The following DGKQ variants were observed in gnomAD, a reference collection of about 807,000 sequenced individuals.
The protein encoded by DGKQ is DAG kinase theta.
Under a neutral mutation model 104.2 loss-of-function variants are expected in DGKQ, and 97 were observed. The observed-to-expected ratio is 0.93, with a 90% CI of 0.79 to 1.10. DGKQ has a LOEUF of 1.10. Among genes scored for constraint, DGKQ ranks in the 50% least tolerant of loss-of-function variants. DGKQ has a pLI of 0.00. For synonymous variants in DGKQ, 736 were observed against 595.2 expected (o/e 1.24, Z -3.44); for missense variants, 1,465 against 1,352.1 (o/e 1.08, Z -1.31).
rs564753134 is a variant in DGKQ, at chr4:972,842, G to A, written c.271+370C>T. On this transcript the variant is annotated intron_variant, in intron 1 of 22. Transcript: ENST00000273814. ...AGGCTGGGACTCTGGGCCACAGCAT[G>A]AGAAGGGCTAGGGCCAGGGGCCCAG... 7.2e-4 allele frequency among the ~76,000 whole-genome samples: 109 copies of A among 152,336 alleles called. 1 individual carries two copies. In the East Asian group the frequency reaches 8.5e-3, roughly 12 times the overall value.
chr4:967,459 G>T, intron 8 of DGKQ, 90 bp downstream of exon 8: 2 of 1,450,766 alleles, frequency 1.4e-6, no homozygotes, highest in Non-Finnish European at 1.9e-6. Context: ...GGTGAGGGGC[G>T]CCAGGTTGGG....
At chr4:962,316 AG>A in intron 18 of DGKQ, 118 bp downstream of exon 18, 1 of 1,082,782 alleles carries the variant, frequency 9.2e-7, no homozygotes, top group Non-Finnish European at 1.3e-6. Flanking sequence ...CGCTTTGCAG[AG>A]GGGATGATGC....
chr4:966,370 G>T (rs1712337161), intron 12 of DGKQ, 96 bp downstream of exon 12: 2 of 1,372,108 alleles, frequency 1.5e-6, no homozygotes, highest in Non-Finnish European at 1.0e-6. Context: ...GCCTAGCCAA[G>T]GAGAACTCGG....
At chr4:964,448 G>C (rs1385605818) in intron 15 of DGKQ, among the ~76,000 whole-genome samples, 1 of 152,144 alleles carries the variant, frequency 6.6e-6, no homozygotes, top group East Asian at 1.9e-4. Flanking sequence ...ACGGTGTGCA[G>C]CGTGGAGTCC....
chr4:962,246 C>T (rs987424103), intron 18 of DGKQ, among the ~76,000 whole-genome samples, 164 bp from the exon 19 acceptor site: 6 of 152,332 alleles, frequency 3.9e-5, no homozygotes, highest in Non-Finnish European at 8.8e-5. Flanking sequence ...CAGGCTCTGT[C>T]GCCAGCTGGC....
intron 2 of DGKQ, among the ~76,000 whole-genome samples, chr4:969,460 GAGA>G (rs1402177126): frequency 6.6e-6 from 1 of 152,232 alleles, no homozygotes; most frequent in Non-Finnish European, 1.5e-5. Flanking sequence ...AGAAGGGAAG[GAGA>G]AGGACCAAGT....
chr4:966,860 C>G, intron 10 of DGKQ, 58 bp from the exon 11 acceptor site: 1 of 1,573,186 alleles, frequency 6.4e-7, no homozygotes, highest in Non-Finnish European at 8.6e-7. Context: ...TCAGGACACC[C>G]GCGGGGACAG....
At position 966,525 on chromosome 4, in the gene DGKQ, G is replaced by A. The variant is rs746520621; in HGVS notation, c.1369C>T (p.Gln457Ter). Residue 457 changes from glutamine (Q) to a stop codon, truncating the protein, a stop_gained and splice_region_variant, in exon 12 of 23, where the codon CAG (glutamine) becomes TAG (stop). Coordinates refer to ENST00000273814, the MANE Select transcript of DGKQ (RefSeq NM_001347.4). LOFTEE classifies it high-confidence loss of function. ...TGTTCGTCCATCAGCATCGTCCGCT[G>A]GACTGCAGAGGTGAGGGCACAGGCC... ...VEVAMGCRHV[Q>*]RTMLMDEQPL... 2 of 1,611,970 alleles carry A rather than the reference G, an allele frequency of 1.2e-6. No homozygotes were observed. The highest frequency in any genetic ancestry group is 1.7e-6 in the Non-Finnish European group (2 of 1,179,398).
chr4:967,870 C>G lies in DGKQ; in HGVS notation c.811+10G>C. On this transcript the variant is annotated intron_variant, in intron 6 of 22. Coordinates refer to ENST00000273814, the MANE Select transcript of DGKQ (RefSeq NM_001347.4). ...CCAGCCCAGGGCGCCCCGGCCGGCC[C>G]GCACCTCACCCGGCTCCGCGGCCTC... The G allele has an allele frequency of 6.8e-7, 1 of 1,463,968 alleles. No homozygotes were observed. The highest frequency in any genetic ancestry group is 9.0e-7 in the Non-Finnish European group (1 of 1,113,596). 90.7% of individuals were successfully genotyped at this position (1,463,968 alleles called of 1,614,324 possible).
rs548869218 is a variant in DGKQ at position 966,444 on chromosome 4, G to A, written c.1428+22C>T. On this transcript the variant is annotated intron_variant, in intron 12 of 22. Coordinates refer to ENST00000273814, the MANE Select transcript of DGKQ (RefSeq NM_001347.4). ...GCTGAGGGCTGCTGGTTCCCTGGGG[G>A]CCGGCGTCCACACCCACTCACCTGC... is the stretch of plus-strand genomic sequence containing the variant. 10 of 1,610,436 alleles carry A rather than the reference G, an allele frequency of 6.2e-6. No individual in the cohort carries two copies. In the South Asian group the frequency reaches 9.9e-5, roughly 16 times the overall value.
intron 15 of DGKQ, 54 bp from the exon 16 acceptor site, chr4:963,344 T>C (rs550435362): frequency 2.0e-6 from 3 of 1,515,498 alleles, no homozygotes; most frequent in Admixed American, 3.7e-5. Context: ...GTGTCCCCAC[T>C]GCTGGGGTTG....
rs1174558617 is a variant in DGKQ at position 959,493 on chromosome 4, CTT to C, written c.*1125_*1126del. ...CTTGGGCACGTGGAGGCAGCTTTGT[CTT>C]TGGCTGGGTGCACCCCAGCCTGGCC... On this transcript the variant is annotated 3_prime_UTR_variant, in exon 23 of 23. Transcript: ENST00000273814. 1 of 152,256 alleles carries C rather than the reference CTT, an allele frequency of 6.6e-6. No individual in the cohort carries two copies. The highest frequency in any genetic ancestry group is 6.5e-5 in the Admixed American group (1 of 15,278). 9.4% of individuals were successfully genotyped at this position (152,256 alleles called of 1,614,324 possible).
chr4:965,976 ACAGGCCGGGAGG>A lies in DGKQ; in HGVS notation c.1519_1530del (p.Pro507_Leu510del), dbSNP rs1712290497. The stretch of plus-strand genomic sequence containing the variant: ...AGCAGGCTGCTGTACTCCTCGGGAG[ACAGGCCGGGAGG>A]CAGGCCGCCAACAAACAGGGAGACG... On this transcript the variant is annotated inframe_deletion, in exon 13 of 23. Coordinates refer to ENST00000273814, the MANE Select transcript of DGKQ (RefSeq NM_001347.4). 6.2e-7 allele frequency: 1 copy of A among 1,605,600 alleles called. No homozygotes were observed. The highest frequency in any genetic ancestry group is 8.5e-7 in the Non-Finnish European group (1 of 1,176,906).
chr4:966,805 G>C lies in DGKQ; in HGVS notation c.1312-3C>G, dbSNP rs1054359452. On this transcript the variant is annotated splice_polypyrimidine_tract_variant and splice_region_variant and intron_variant, in intron 10 of 22. Transcript: ENST00000273814. ...TGGAAGCTCTCGGGACTCTCGGCCTGTTGGGGTAGAGCTTGGCATCGGGTC... is the reference window on the plus strand; with the variant it reads ...TGGAAGCTCTCGGGACTCTCGGCCTCTTGGGGTAGAGCTTGGCATCGGGTC... 6.2e-7 allele frequency: 1 copy of C among 1,608,858 alleles called. No individual in the cohort carries two copies. Among genetic ancestry groups the C allele is most frequent in the Non-Finnish European group, 8.5e-7 (1 of 1,178,296 alleles).
chr4:967,891 GC>G lies in DGKQ; in HGVS notation c.799del (p.Ala267ProfsTer34), dbSNP rs1431959298. On this transcript the variant is annotated frameshift_variant, in exon 6 of 23. Coordinates refer to ENST00000273814, the MANE Select transcript of DGKQ (RefSeq NM_001347.4). LOFTEE classifies it high-confidence loss of function. The part of the protein sequence containing the change: ...SKTQSFRIVE[A>X]AEPGEGGDGA... Reference sequence around the variant, plus strand: ...GGCCCGCACCTCACCCGGCTCCGCGGCCTCCACGATGCGGAAGCTCTGCGTC... The same window carrying G: ...GGCCCGCACCTCACCCGGCTCCGCGGCTCCACGATGCGGAAGCTCTGCGTC... 1 of 1,449,942 alleles carries G rather than the reference GC, an allele frequency of 6.9e-7. No homozygotes were observed. Among genetic ancestry groups the G allele is most frequent in the Non-Finnish European group, 9.0e-7 (1 of 1,109,146 alleles). 89.8% of individuals were successfully genotyped at this position (1,449,942 alleles called of 1,614,324 possible).
At chr4:973,172 C>G in intron 1 of DGKQ, 40 bp downstream of exon 1, 1 of 1,494,782 alleles carries the variant, frequency 6.7e-7, no homozygotes, top group Non-Finnish European at 8.9e-7. Context: ...GGGGCAGAGG[C>G]AGGGCTGCAG....
intron 2 of DGKQ, among the ~76,000 whole-genome samples, chr4:969,934 C>G (rs1400647422): frequency 1.3e-5 from 2 of 152,230 alleles, no homozygotes; most frequent in Non-Finnish European, 2.9e-5. Context: ...TCTAAATTTC[C>G]TATCATGCAT....
At position 967,803 on chromosome 4, in the gene DGKQ, C is replaced by T; in HGVS notation, c.812-1G>A. On this transcript the variant is annotated splice_acceptor_variant, in intron 6 of 22. Transcript: ENST00000273814. LOFTEE classifies it high-confidence loss of function. ...CCGTCGGCGCCGTCGCCCCCCTCGC[C>T]TGCGGGTCGGGCACACGGACCCCTC... 6.3e-7 allele frequency: 1 copy of T among 1,597,304 alleles called. No individual in the cohort carries two copies. The highest frequency in any genetic ancestry group is 8.5e-7 in the Non-Finnish European group (1 of 1,172,850).
At chr4:968,974 C>A (rs578072777) in intron 2 of DGKQ, 64 bp from the exon 3 acceptor site, 6 of 1,048,906 alleles carry the variant, frequency 5.7e-6, no homozygotes, top group African/African-American at 1.6e-5. Context: ...CACCCCTCCT[C>A]GCTCTTCACC....
Sources: allele counts gnomAD v4.1 joint callset (sites outside exome capture counted in the v4.1 genomes callset), GRCh38; gene constraint gnomAD v4.1.1; transcripts MANE v1.5; gene names NCBI Gene and HGNC (gene_info 2026-07-23, HGNC 2026-07-21).